Variants in IQCM observed in about 807,000 individuals in gnomAD.
The protein encoded by IQCM is IQ domain-containing protein M.
In IQCM, 45 loss-of-function variants were observed where a neutral mutation model predicts 57.6. That is an observed-to-expected ratio of 0.78 (90% CI 0.62 to 1.00). IQCM has a LOEUF of 1.00. IQCM is among the 50% of genes least tolerant of loss of function. IQCM has a pLI of 0.00. For missense variants in IQCM, 468 were observed against 511.6 expected (o/e 0.91, Z 0.82); for synonymous variants, 148 against 158.9 (o/e 0.93, Z 0.51).
chr4:149,699,768 C>A (rs1763627934), intron 5 of IQCM, among the ~76,000 whole-genome samples: 1 of 150,706 alleles, frequency 6.6e-6, no homozygotes, highest in African/African-American at 2.4e-5. Context: ...TTAGAGGCAC[C>A]TCCCCTTGTG....
intron 5 of IQCM, among the ~76,000 whole-genome samples, chr4:149,713,467 G>T (rs956083193): frequency 6.6e-6 from 1 of 152,102 alleles, no homozygotes; most frequent in Non-Finnish European, 1.5e-5. Context: ...ACCATGACTG[G>T]TCTCATATAA....
chr4:149,592,022 C>T lies in IQCM; in HGVS notation c.682-4025G>A, dbSNP rs531294998. 4.6e-5 allele frequency among the ~76,000 whole-genome samples: 7 copies of T among 152,180 alleles called. No individual in the cohort carries two copies. The South Asian group carries it at 6.2e-4, about 13-fold the overall frequency. Reference sequence around the variant, plus strand: ...TTCCAGTTCTAGATCTTTGAGGAATCGCCACACATTGTCTTCCACAATGGT... The same window carrying T: ...TTCCAGTTCTAGATCTTTGAGGAATTGCCACACATTGTCTTCCACAATGGT... On this transcript the variant is annotated intron_variant, in intron 8 of 13. Transcript: ENST00000636793.
intron 12 of IQCM, among the ~76,000 whole-genome samples, chr4:149,456,525 G>A (rs779122389): frequency 1.4e-4 from 22 of 152,066 alleles, no homozygotes; most frequent in Non-Finnish European, 1.9e-4. Context: ...TTTTGTGACT[G>A]AAACAAAGTT....
chr4:149,643,085 C>G (rs976379680), intron 7 of IQCM, among the ~76,000 whole-genome samples: 24 of 151,904 alleles, frequency 1.6e-4, no homozygotes, highest in Admixed American at 7.9e-4. Flanking sequence ...TACATTCAAC[C>G]AAACAAGCAA....
chr4:149,569,457 T>C (rs1750949521), intron 9 of IQCM, among the ~76,000 whole-genome samples: 1 of 152,124 alleles, frequency 6.6e-6, no homozygotes, highest in African/African-American at 2.4e-5. Flanking sequence ...AATATGTATG[T>C]CCTCAGTAGA....
Position 149,633,040 on chromosome 4 carries a change from A to G in IQCM, c.566-11796T>C, listed in dbSNP as rs1757413547. ...GCCGGGCGCGGTGGCGGGCGCCTGT[A>G]GTCCCAGCTACTCGGGAGGCTGAGG... is the stretch of plus-strand genomic sequence containing the variant. On this transcript the variant is annotated intron_variant, in intron 7 of 13. Coordinates refer to ENST00000636793, the MANE Select transcript of IQCM (RefSeq NM_001363507.2). Among the ~76,000 whole-genome samples the G allele has an allele frequency of 2.7e-5, 4 of 150,800 alleles. No individual in the cohort carries two copies. In the South Asian group the frequency reaches 8.4e-4, roughly 32 times the overall value.
chr4:149,708,236 T>G (rs1764301386), intron 5 of IQCM, among the ~76,000 whole-genome samples: 1 of 152,064 alleles, frequency 6.6e-6, no homozygotes, highest in Non-Finnish European at 1.5e-5. Context: ...GTTATTGTAA[T>G]GTTATCCAGC....
chr4:149,731,980 T>C (rs766926208), intron 5 of IQCM, among the ~76,000 whole-genome samples: 2 of 152,126 alleles, frequency 1.3e-5, no homozygotes, highest in Non-Finnish European at 2.9e-5. Flanking sequence ...CTCCACACTT[T>C]ATGCTTCCCT....
intron 2 of IQCM, among the ~76,000 whole-genome samples, chr4:149,784,600 A>G (rs999370452): frequency 3.3e-5 from 5 of 152,228 alleles, no homozygotes; most frequent in African/African-American, 1.2e-4. Context: ...TATTTTTAGT[A>G]GAGAGGGGTT....
chr4:149,515,986 T>C (rs1331211806), intron 12 of IQCM, among the ~76,000 whole-genome samples: 1 of 152,202 alleles, frequency 6.6e-6, no homozygotes, highest in Non-Finnish European at 1.5e-5. Context: ...ACTCAGCCTC[T>C]TTCCCTAGCC....
intron 7 of IQCM, among the ~76,000 whole-genome samples, chr4:149,650,479 A>G (rs1428836345): frequency 7.2e-6 from 1 of 139,790 alleles, no homozygotes; most frequent in Non-Finnish European, 1.5e-5. Flanking sequence ...TGCAATCTCC[A>G]CCTCCCGGAA....
At chr4:149,407,447 C>T (rs1467465659) in intron 13 of IQCM, among the ~76,000 whole-genome samples, 1 of 152,108 alleles carries the variant, frequency 6.6e-6, no homozygotes, top group Non-Finnish European at 1.5e-5. Flanking sequence ...ATGTATTCAA[C>T]AGGTGATATT....
At chr4:149,421,874 C>T (rs1001265417) in intron 13 of IQCM, among the ~76,000 whole-genome samples, 10 of 151,936 alleles carry the variant, frequency 6.6e-5, no homozygotes, top group African/African-American at 9.7e-5. Flanking sequence ...GCTTATTTAA[C>T]AGGCTAATTT....
At chr4:149,716,963 G>A (rs1345356199) in intron 5 of IQCM, among the ~76,000 whole-genome samples, 1 of 152,190 alleles carries the variant, frequency 6.6e-6, no homozygotes, top group African/African-American at 2.4e-5. Context: ...AGCACACTAT[G>A]TGCCAGGAGG....
intron 5 of IQCM, among the ~76,000 whole-genome samples, chr4:149,723,562 T>G (rs932017544): frequency 2.6e-5 from 4 of 152,126 alleles, no homozygotes; most frequent in African/African-American, 9.6e-5. Context: ...TTTTTGTTTT[T>G]AAGTCTGTTT....
chr4:149,806,888 C>T (rs1368879490), intron 2 of IQCM, among the ~76,000 whole-genome samples: 1 of 151,632 alleles, frequency 6.6e-6, no homozygotes, highest in Non-Finnish European at 1.5e-5. Flanking sequence ...AGTGATCGAT[C>T]TTACAAAAAA....
Position 149,479,060 on chromosome 4 carries a change from A to C in IQCM, c.1229-45503T>G, listed in dbSNP as rs1740507345. ...TTTGACAGAATCAAAAGAGGCAATA[A>C]TTCCATATTTTAGAAGTAAAGAATC... is the stretch of plus-strand genomic sequence containing the variant. On this transcript the variant is annotated intron_variant, in intron 12 of 13. Transcript: ENST00000636793. Among the ~76,000 whole-genome samples, 5 of 152,210 alleles carry C rather than the reference A, an allele frequency of 3.3e-5. No individual in the cohort carries two copies. In the South Asian group the frequency reaches 1.0e-3, roughly 31 times the overall value.
Position 149,439,960 on chromosome 4 carries a change from C to CTT in IQCM, c.1229-6405_1229-6404dup, listed in dbSNP as rs554542262. On this transcript the variant is annotated intron_variant, in intron 12 of 13. Transcript: ENST00000636793. ...GAATTTCCAATTAAGTGTTGCTATT[C>CTT]TTTTTTTTTTTTTTGAGACAGAGTT... 7.2e-3 allele frequency among the ~76,000 whole-genome samples: 1,024 copies of CTT among 141,642 alleles called. 2 individuals are homozygous for CTT. The highest frequency in any genetic ancestry group is 0.018 in the Middle Eastern group (5 of 274). 92.9% of individuals were successfully genotyped at this position (141,642 alleles called of 152,430 possible).
At chr4:149,560,287 T>C (rs1281146215) in intron 10 of IQCM, among the ~76,000 whole-genome samples, 1 of 152,206 alleles carries the variant, frequency 6.6e-6, no homozygotes, top group East Asian at 1.9e-4. Context: ...ACTCAGATTC[T>C]CCAGGGCTGT....
Sources: gnomAD v4.1 joint callset for allele counts (sites outside exome capture counted in the v4.1 genomes callset) on GRCh38, gnomAD v4.1.1 for gene constraint, MANE v1.5 for transcripts, NCBI Gene and HGNC (gene_info 2026-07-23, HGNC 2026-07-21) for gene names.